LRP1B: variants seen among roughly 807,000 people sequenced by gnomAD.
LRP1B encodes the protein LDL receptor related protein 1B, also known as low-density lipoprotein receptor-related protein 1B.
Under a neutral mutation model 556.6 loss-of-function variants are expected in LRP1B, and 217 were observed. That is an observed-to-expected ratio of 0.39 (90% CI 0.35 to 0.44). The LOEUF is 0.44. Among genes scored for constraint, LRP1B ranks in the 20% least tolerant of loss-of-function variants. LRP1B has a pLI of 1.00. For synonymous variants in LRP1B, 2,047 were observed against 1,865.8 expected (o/e 1.10, Z -2.50); for missense variants, 5,053 against 5,620.8 (o/e 0.90, Z 3.23).
intron 86 of LRP1B, among the ~76,000 whole-genome samples, chr2:140,260,081 G>A (rs1308700145): frequency 6.6e-6 from 1 of 151,928 alleles, no homozygotes; most frequent in Non-Finnish European, 1.5e-5. Context: ...TTTAGTGTTT[G>A]TTTCGAATGA....
rs568559997 is a variant in LRP1B at position 141,660,484 on chromosome 2, C to G, written c.205+149795G>C. On this transcript the variant is annotated intron_variant, in intron 2 of 90. Transcript: ENST00000389484. Reference sequence around the variant, plus strand: ...CAGCTCCAGTCTGGCAGTTCCCCCCCGCTGGTGCCGCGGAAACTGGGCAGT... The same window carrying G: ...CAGCTCCAGTCTGGCAGTTCCCCCCGGCTGGTGCCGCGGAAACTGGGCAGT... Among the ~76,000 whole-genome samples the G allele has an allele frequency of 2.1e-4, 32 of 152,214 alleles. No individual in the cohort carries two copies. The South Asian group carries it at 3.3e-3, about 16-fold the overall frequency.
intron 43 of LRP1B, among the ~76,000 whole-genome samples, chr2:140,567,363 G>A (rs1056273031): frequency 1.3e-5 from 2 of 152,062 alleles, no homozygotes; most frequent in African/African-American, 4.8e-5. Flanking sequence ...TATTCCTTGG[G>A]AGCCAAGTTA....
In LRP1B at chr2:141,188,545, G is replaced by C. The variant is rs1681363481; in HGVS notation, c.889C>G (p.Leu297Val). ...TCACCGACATGGTCCACAAAATAGA[G>C]ATTTCGAGTGAGCCAGTCAATCGCC... The part of the protein sequence containing the change: ...QMAIDWLTRN[L>V]YFVDHVGDRI... Residue 297 changes from leucine (L) to valine (V), a missense_variant, in exon 7 of 91, where the codon CTC becomes GTC. Leu to Val is a conservative substitution (Grantham distance 32). Around this residue, in one of 5 missense-constraint regions of LRP1B, gnomAD observed 3,619 missense variants for 3,931.9 expected, o/e 0.92. Transcript: ENST00000389484. The C allele has an allele frequency of 6.2e-7, 1 of 1,612,550 alleles. No individual in the cohort carries two copies.
intron 7 of LRP1B, among the ~76,000 whole-genome samples, chr2:141,147,836 G>A (rs1292710414): frequency 1.3e-5 from 2 of 152,154 alleles, no homozygotes; most frequent in African/African-American, 4.8e-5. Context: ...GGTCCCATAA[G>A]TTTATAATAC....
chr2:140,619,095 A>G (rs1333724613), intron 41 of LRP1B, among the ~76,000 whole-genome samples: 2 of 151,440 alleles, frequency 1.3e-5, no homozygotes, highest in African/African-American at 4.9e-5. Context: ...ACACACACAC[A>G]CACACACACA....
chr2:141,464,607 T>TATATATATA (rs1295526699), intron 3 of LRP1B, among the ~76,000 whole-genome samples: 4 of 59,870 alleles, frequency 6.7e-5, no homozygotes, highest in Admixed American at 3.6e-4. Flanking sequence ...TATATATATA[T>TATATATATA]TTTTTTAGTA....
chr2:140,722,602 CT>C (rs1687451937), intron 35 of LRP1B, among the ~76,000 whole-genome samples: 2 of 152,160 alleles, frequency 1.3e-5, no homozygotes, highest in African/African-American at 4.8e-5. Context: ...TCTACCTTGG[CT>C]GATAGTGCTC....
chr2:140,371,707 T>C (rs1288684745), intron 69 of LRP1B, among the ~76,000 whole-genome samples: 1 of 151,964 alleles, frequency 6.6e-6, no homozygotes, highest in Non-Finnish European at 1.5e-5. Flanking sequence ...CCTTTGAGTA[T>C]GTTAATTCTT....
intron 7 of LRP1B, among the ~76,000 whole-genome samples, chr2:141,146,476 C>A (rs897230047): frequency 1.3e-5 from 2 of 152,252 alleles, no homozygotes; most frequent in Admixed American, 6.5e-5. Flanking sequence ...GATTAACTGG[C>A]AATTTTTCAG....
At chr2:141,803,387 C>A (rs1467725318) in intron 2 of LRP1B, among the ~76,000 whole-genome samples, 1 of 151,768 alleles carries the variant, frequency 6.6e-6, no homozygotes, top group Non-Finnish European at 1.5e-5. Flanking sequence ...TCCTATCCCC[C>A]CTGCATATCA....
At chr2:141,972,182 A>G (rs1389166303) in intron 1 of LRP1B, among the ~76,000 whole-genome samples, 1 of 151,618 alleles carries the variant, frequency 6.6e-6, no homozygotes, top group African/African-American at 2.4e-5. Context: ...GTTTTATTTT[A>G]AATGCATGCG....
At chr2:141,426,055 T>G (rs1680350994) in intron 3 of LRP1B, among the ~76,000 whole-genome samples, 1 of 152,004 alleles carries the variant, frequency 6.6e-6, no homozygotes, top group Admixed American at 6.6e-5. Context: ...TGGTTTTAGG[T>G]CTAACGTTTA....
At chr2:140,412,356 C>A (rs1027791226) in intron 66 of LRP1B, among the ~76,000 whole-genome samples, 2 of 152,098 alleles carry the variant, frequency 1.3e-5, no homozygotes, top group African/African-American at 4.8e-5. Flanking sequence ...CCCAAATCAA[C>A]TTTTGCTCAT....
intron 37 of LRP1B, among the ~76,000 whole-genome samples, chr2:140,715,207 T>C (rs772534185): frequency 4.6e-5 from 7 of 151,966 alleles, no homozygotes; most frequent in Non-Finnish European, 7.4e-5. Context: ...ACTTTACACA[T>C]AAAGCAATAG....
At chr2:141,149,757 C>T (rs768725139) in intron 7 of LRP1B, among the ~76,000 whole-genome samples, 10 of 152,066 alleles carry the variant, frequency 6.6e-5, no homozygotes, top group East Asian at 1.9e-4. Context: ...AGAACAGGTT[C>T]GCAGCAGGCC....
At chr2:141,790,741 G>GA (rs1695584773) in intron 2 of LRP1B, among the ~76,000 whole-genome samples, 1 of 151,758 alleles carries the variant, frequency 6.6e-6, no homozygotes, top group Non-Finnish European at 1.5e-5. Context: ...TTGTTGTATA[G>GA]AAAAATGATT....
intron 1 of LRP1B, among the ~76,000 whole-genome samples, chr2:141,915,879 A>T (rs781096969): frequency 6.6e-6 from 1 of 152,216 alleles, no homozygotes; most frequent in Non-Finnish European, 1.5e-5. Flanking sequence ...CGTCAATGAG[A>T]TATCATCTCA....
At chr2:141,188,305 A>T (rs1681351791) in intron 7 of LRP1B, 116 bp downstream of exon 7, 2 of 985,514 alleles carry the variant, frequency 2.0e-6, no homozygotes, top group Non-Finnish European at 3.0e-6. Flanking sequence ...TAAAATCAAC[A>T]TTTCTAAAAA....
intron 21 of LRP1B, among the ~76,000 whole-genome samples, chr2:140,914,298 G>A (rs1694510627): frequency 6.6e-6 from 1 of 152,106 alleles, no homozygotes; most frequent in South Asian, 2.1e-4. Context: ...AATGGAATGG[G>A]TTATGTTGGA....
Sources: allele counts gnomAD v4.1 joint callset (sites outside exome capture counted in the v4.1 genomes callset), GRCh38; gene constraint gnomAD v4.1.1; regional missense constraint gnomAD v4.1.1; transcripts MANE v1.5; gene names NCBI Gene and HGNC (gene_info 2026-07-23, HGNC 2026-07-21).